Variants in FAM81A observed in about 807,000 individuals in gnomAD.
The protein encoded by FAM81A is protein FAM81A.
A neutral mutation model predicts 46.7 loss-of-function variants in FAM81A; 19 were observed. That is an observed-to-expected ratio of 0.41 (90% CI 0.28 to 0.60). FAM81A has a LOEUF of 0.60. Among genes scored for constraint, FAM81A ranks in the 20% least tolerant of loss-of-function variants. The probability of loss-of-function intolerance (pLI) is 0.34; values close to 1 mark genes in which losing one functional copy is unlikely to be tolerated. For synonymous variants in FAM81A, 183 were observed against 152.9 expected, an observed-to-expected ratio of 1.20 and a Z score of -1.45; for missense variants, 377 against 453.5, an observed-to-expected ratio of 0.83 and a Z score of 1.53.
intron 2 of FAM81A, chr15:59,407,594 C>T (rs1194157101): frequency 6.2e-6 from 1 of 161,490 alleles, no homozygotes; most frequent in Non-Finnish European, 1.3e-5. Context: ...CACACCCGGC[C>T]TATCATCACC....
chr15:59,509,775 G>A (rs1567076252), intron 6 of FAM81A, among the ~76,000 whole-genome samples: 1 of 152,128 alleles, frequency 6.6e-6, no homozygotes, highest in Non-Finnish European at 1.5e-5. Flanking sequence ...AGGTTGAATA[G>A]CCTGTCGTGG....
intron 3 of FAM81A, among the ~76,000 whole-genome samples, chr15:59,468,096 C>T (rs1485203121): frequency 1.3e-5 from 2 of 152,100 alleles, no homozygotes; most frequent in African/African-American, 2.4e-5. Flanking sequence ...TGATGTGCTG[C>T]TGGATTCGGT....
intron 3 of FAM81A, among the ~76,000 whole-genome samples, chr15:59,475,082 A>G (rs971603173): frequency 1.2e-4 from 19 of 152,318 alleles, no homozygotes; most frequent in African/African-American, 4.6e-4. Flanking sequence ...CAGCTGTATC[A>G]AAAAATCTGC....
At chr15:59,417,351 A>T (rs1030165861) in intron 2 of FAM81A, among the ~76,000 whole-genome samples, 10 of 151,926 alleles carry the variant, frequency 6.6e-5, no homozygotes, top group Non-Finnish European at 1.0e-4. Flanking sequence ...CTAAATGTTC[A>T]ACTTACTTTA....
chr15:59,398,085 C>T (rs1322072782), intron 1 of FAM81A, among the ~76,000 whole-genome samples: 3 of 152,126 alleles, frequency 2.0e-5, no homozygotes, highest in African/African-American at 4.8e-5. Flanking sequence ...ACTATCAAGC[C>T]CGAGACCAGA....
chr15:59,474,985 C>G (rs183780528), intron 3 of FAM81A, among the ~76,000 whole-genome samples: 323 of 152,256 alleles, frequency 2.1e-3, no homozygotes, highest in African/African-American at 7.5e-3. Context: ...GTTTATGAAA[C>G]TAGATAATTC....
chr15:59,459,813 A>C, intron 2 of FAM81A, 120 bp from the exon 3 acceptor site: 1 of 1,370,172 alleles, frequency 7.3e-7, no homozygotes, highest in African/African-American at 1.5e-5. Flanking sequence ...TCCTGCCTCA[A>C]ACCCTATTTA....
chr15:59,464,954 A>G (rs1232903574), intron 3 of FAM81A, among the ~76,000 whole-genome samples: 7 of 152,124 alleles, frequency 4.6e-5, no homozygotes, highest in African/African-American at 1.4e-4. Flanking sequence ...TGGGCCTTAC[A>G]TTTAGGTCTT....
intron 1 of FAM81A, among the ~76,000 whole-genome samples, chr15:59,446,078 A>G (rs375928638): frequency 6.8e-4 from 104 of 152,348 alleles, no homozygotes; most frequent in African/African-American, 2.4e-3. Context: ...TTAGAAAAAC[A>G]AAAAGGTGAA....
chr15:59,489,306 C>T lies in FAM81A; in HGVS notation c.295-2965C>T, dbSNP rs560030352. Reference sequence around the variant, plus strand: ...ACATACATACATACATACATACATACATACATATATACATACATACATACA... The same window carrying T: ...ACATACATACATACATACATACATATATACATATATACATACATACATACA... On this transcript the variant is annotated intron_variant, in intron 3 of 8. Transcript: ENST00000288228. Among the ~76,000 whole-genome samples the T allele has an allele frequency of 4.4e-3, 632 of 144,902 alleles. 5 individuals are homozygous for T. Among genetic ancestry groups the T allele is most frequent in the African/African-American group, 0.015 (558 of 38,122 alleles).
At chr15:59,490,843 A>G (rs1272860846) in intron 3 of FAM81A, among the ~76,000 whole-genome samples, 4 of 152,180 alleles carry the variant, frequency 2.6e-5, no homozygotes, top group African/African-American at 4.8e-5. Flanking sequence ...CAAAAAGCAA[A>G]CAAACAAAAC....
rs577384886 is a variant in FAM81A, at chr15:59,515,857, A to G, written c.787-788A>G. Among the ~76,000 whole-genome samples the G allele has an allele frequency of 3.3e-5, 5 of 152,298 alleles. No individual in the cohort carries two copies. The East Asian group carries it at 9.6e-4, about 29-fold the overall frequency. On this transcript the variant is annotated intron_variant, in intron 7 of 8. Transcript: ENST00000288228. ...AATAGAAACTTATTTTTTATTTCGC[A>G]TAATGGAAGTCTGGGTATAGGTAAT...
At chr15:59,420,093 T>C (rs889671423) in intron 2 of FAM81A, among the ~76,000 whole-genome samples, 2 of 152,150 alleles carry the variant, frequency 1.3e-5, no homozygotes, top group Non-Finnish European at 2.9e-5. Context: ...AGAAAATCCA[T>C]TGCAGGATAA....
chr15:59,416,320 C>T lies in FAM81A; in HGVS notation c.-78+13962C>T, dbSNP rs541266679. Among the ~76,000 whole-genome samples, 6 of 152,364 alleles carry T rather than the reference C, an allele frequency of 3.9e-5. No homozygotes were observed. In the East Asian group the frequency reaches 9.6e-4, roughly 24 times the overall value. ...CTGGGAAACCATGCACGATAAGCTT[C>T]CCATTTGTCTCGCCAAAGGATGGAG... On this transcript the variant is annotated intron_variant, in intron 2 of 4. Coordinates refer to the FAM81A transcript ENST00000558348.
chr15:59,492,485 T>A, intron 4 of FAM81A, 96 bp downstream of exon 4: 1 of 956,790 alleles, frequency 1.0e-6, no homozygotes, highest in Non-Finnish European at 1.6e-6. Flanking sequence ...CCAAAGCAAA[T>A]GGCTTGCATT....
In FAM81A at chr15:59,401,213, A is replaced by ATT. The variant is rs1265752699; in HGVS notation, c.-160-1062_-160-1061dup. On this transcript the variant is annotated intron_variant, in intron 1 of 4. Coordinates refer to the FAM81A transcript ENST00000558348. ...GTAGTCCTCAATAATTATATATGAAATTGCTGTCGAACCAGTAAGACTGCA... is the reference window on the plus strand; with the variant it reads ...GTAGTCCTCAATAATTATATATGAAATTTTGCTGTCGAACCAGTAAGACTGCA... 3.2e-6 allele frequency: 3 copies of ATT among 936,500 alleles called. No homozygotes were observed. The Admixed American group carries it at 5.1e-5, about 16-fold the overall frequency. 58.0% of individuals were successfully genotyped at this position (936,500 alleles called of 1,614,324 possible).
At chr15:59,507,959 T>A (rs2082167032) in intron 5 of FAM81A, among the ~76,000 whole-genome samples, 2 of 152,362 alleles carry the variant, frequency 1.3e-5, no homozygotes, top group Middle Eastern at 3.4e-3. Flanking sequence ...TTTGCTATTG[T>A]TCGTTTAAAG....
intron 2 of FAM81A, among the ~76,000 whole-genome samples, chr15:59,408,599 C>A (rs2081106830): frequency 6.6e-6 from 1 of 152,178 alleles, no homozygotes; most frequent in South Asian, 2.1e-4. Flanking sequence ...GAGGCCAAGG[C>A]AGGTGGATTA....
intron 3 of FAM81A, among the ~76,000 whole-genome samples, chr15:59,474,051 A>G (rs542106756): frequency 6.6e-6 from 1 of 152,270 alleles, no homozygotes; most frequent in Non-Finnish European, 1.5e-5. Context: ...TCATTTTAGG[A>G]AGCCCTCCTT....
Sources: gnomAD v4.1 joint callset for allele counts (sites outside exome capture counted in the v4.1 genomes callset) on GRCh38, gnomAD v4.1.1 for gene constraint, MANE v1.5 for transcripts, NCBI Gene and HGNC (gene_info 2026-07-23, HGNC 2026-07-21) for gene names.